RNLS: variants seen among roughly 807,000 people sequenced by gnomAD.
The protein encoded by RNLS is renalase.
A neutral mutation model predicts 39.8 loss-of-function variants in RNLS; 39 were observed. That is an observed-to-expected ratio of 0.98 (90% CI 0.76 to 1.28). The LOEUF (loss-of-function observed/expected upper bound fraction) is 1.28, where lower values mean the gene tolerates loss of function less well. Ranked by LOEUF, RNLS falls within the 50% of genes most tolerant of loss-of-function variation. The pLI is 0.00. For missense variants in RNLS, 410 were observed against 413.3 expected (o/e 0.99, Z 0.07); for synonymous variants, 147 against 150.7 (o/e 0.98, Z 0.18).
At position 88,285,076 on chromosome 10, in the gene RNLS, G is replaced by A. The variant is rs1843173320; in HGVS notation, c.*278C>T. ...TTAATGTAATTTTTTTGAGAGAGTC[G>A]TTTGTTATTTTTTAAGTACCACTTT... is the stretch of plus-strand genomic sequence containing the variant. On this transcript the variant is annotated 3_prime_UTR_variant, in exon 7 of 7. Transcript: ENST00000331772. 1.1e-5 allele frequency: 11 copies of A among 1,017,458 alleles called. No individual in the cohort carries two copies. Among genetic ancestry groups the A allele is most frequent in the African/African-American group, 1.7e-5 (1 of 58,650 alleles). 63.0% of individuals were successfully genotyped at this position (1,017,458 alleles called of 1,614,324 possible).
intron 6 of RNLS, among the ~76,000 whole-genome samples, chr10:88,298,769 TCTAA>T (rs1028720508): frequency 3.3e-5 from 5 of 152,236 alleles, no homozygotes; most frequent in Admixed American, 6.5e-5. Flanking sequence ...GTGTGAGTCC[TCTAA>T]CTTTGTTCTT....
chr10:88,193,359 C>T, the RNLS span, among the ~76,000 whole-genome samples: 2 of 152,004 alleles, frequency 1.3e-5, no homozygotes, highest in Non-Finnish European at 2.9e-5. Flanking sequence ...CTTTGGCTCC[C>T]CACAGAACAG....
At chr10:88,350,500 C>G (rs11202728) in intron 5 of RNLS, among the ~76,000 whole-genome samples, 36,598 of 151,884 alleles carry the variant, frequency 0.24, 4,818 homozygotes, top group Non-Finnish European at 0.28. Context: ...TTTGTCCTTG[C>G]GATAGTTTGC....
At chr10:88,330,092 A>ATATATATATATATAT (rs750773423) in intron 5 of RNLS, among the ~76,000 whole-genome samples, 53 of 138,184 alleles carry the variant, frequency 3.8e-4, no homozygotes, top group Middle Eastern at 3.7e-3. Context: ...TATATATATA[A>ATATATATATATATAT]ATATAAATAT....
chr10:88,280,649 A>G (rs1435375868), downstream of RNLS, among the ~76,000 whole-genome samples: 1 of 152,200 alleles, frequency 6.6e-6, no homozygotes, highest in Non-Finnish European at 1.5e-5. Flanking sequence ...CTGTAGTGCA[A>G]AACAGTCACA....
intron 5 of RNLS, among the ~76,000 whole-genome samples, chr10:88,335,798 T>C (rs2133190772): frequency 6.6e-6 from 1 of 152,342 alleles, no homozygotes; most frequent in East Asian, 1.9e-4. Context: ...TTTTTAGCAA[T>C]AAATATAAAG....
At position 88,384,719 on chromosome 10, in the gene RNLS, G is replaced by A. The variant is rs146418759; in HGVS notation, c.527-21994C>T. Among the ~76,000 whole-genome samples the A allele has an allele frequency of 2.6e-5, 4 of 152,306 alleles. No individual in the cohort carries two copies. In the East Asian group the frequency reaches 5.8e-4, roughly 22 times the overall value. ...AGAGATTAATAAAATAGTTTATTAT[G>A]TACCAGGAGTTGATGGAGAACAGTT... On this transcript the variant is annotated intron_variant, in intron 4 of 6. Transcript: ENST00000331772.
intron 4 of RNLS, among the ~76,000 whole-genome samples, chr10:88,560,624 G>A (rs913357700): frequency 6.6e-6 from 1 of 152,030 alleles, no homozygotes; most frequent in African/African-American, 2.4e-5. Flanking sequence ...AACTCTGGGA[G>A]GGAGCTCCCA....
At chr10:88,440,268 T>G (rs1159700493) in intron 4 of RNLS, among the ~76,000 whole-genome samples, 2 of 152,204 alleles carry the variant, frequency 1.3e-5, no homozygotes, top group Non-Finnish European at 1.5e-5. Flanking sequence ...TAGTCATTAA[T>G]GGTCAGGATT....
chr10:88,424,794 G>A (rs912508184), intron 4 of RNLS, among the ~76,000 whole-genome samples: 6 of 152,050 alleles, frequency 3.9e-5, no homozygotes, highest in African/African-American at 1.4e-4. Flanking sequence ...CATAGGACCC[G>A]AGCTGTTGAG....
the RNLS span, among the ~76,000 whole-genome samples, chr10:88,197,278 T>C: frequency 6.6e-6 from 1 of 152,212 alleles, no homozygotes; most frequent in Admixed American, 6.5e-5. Context: ...TTAGTATGAT[T>C]GTGTAATAAA....
intron 4 of RNLS, among the ~76,000 whole-genome samples, chr10:88,384,136 T>TAACA (rs1249549334): frequency 6.6e-6 from 1 of 152,202 alleles, no homozygotes; most frequent in African/African-American, 2.4e-5. Context: ...CTAAAAAGTC[T>TAACA]AACATATTTA....
At chr10:88,571,419 A>G (rs543204592) in intron 4 of RNLS, among the ~76,000 whole-genome samples, 1 of 152,354 alleles carries the variant, frequency 6.6e-6, no homozygotes, top group African/African-American at 2.4e-5. Context: ...AATTCATCAC[A>G]CTGTATACAG....
chr10:88,415,886 T>C (rs1402122406), intron 4 of RNLS, among the ~76,000 whole-genome samples: 1 of 152,190 alleles, frequency 6.6e-6, no homozygotes, highest in Non-Finnish European at 1.5e-5. Flanking sequence ...TAAGGTTTTC[T>C]AGCAGTCTTG....
the RNLS span, among the ~76,000 whole-genome samples, chr10:88,259,824 A>G: frequency 2.6e-5 from 4 of 152,022 alleles, no homozygotes; most frequent in Non-Finnish European, 5.9e-5. Flanking sequence ...GCTCACTGCA[A>G]CCTTTACCTC....
At chr10:88,553,199 T>C (rs1468344337) in intron 4 of RNLS, among the ~76,000 whole-genome samples, 1 of 152,204 alleles carries the variant, frequency 6.6e-6, no homozygotes, top group East Asian at 1.9e-4. Flanking sequence ...ACCAGAAAAC[T>C]GCCTATTCAT....
At chr10:88,276,115 G>T (rs891071969) in intron 6 of RNLS, among the ~76,000 whole-genome samples, 3 of 151,938 alleles carry the variant, frequency 2.0e-5, no homozygotes, top group African/African-American at 7.3e-5. Context: ...AAAACAGATG[G>T]ACTTTAGTCC....
At chr10:88,350,564 T>A (rs1207843947) in intron 5 of RNLS, among the ~76,000 whole-genome samples, 1 of 152,172 alleles carries the variant, frequency 6.6e-6, no homozygotes, top group Non-Finnish European at 1.5e-5. Flanking sequence ...CATGAACTCA[T>A]CCTTTTTTAT....
At chr10:88,501,964 A>T (rs918947705) in intron 4 of RNLS, among the ~76,000 whole-genome samples, 2 of 152,074 alleles carry the variant, frequency 1.3e-5, no homozygotes, top group African/African-American at 2.4e-5. Flanking sequence ...CTTATTGCAT[A>T]TCTGTCTCCT....
Sources: gnomAD v4.1 joint callset for allele counts (sites outside exome capture counted in the v4.1 genomes callset) on GRCh38, gnomAD v4.1.1 for gene constraint, MANE v1.5 for transcripts, NCBI Gene and HGNC (gene_info 2026-07-23, HGNC 2026-07-21) for gene names.